FNIP2: variants seen among roughly 807,000 people sequenced by gnomAD.
FNIP2 encodes the protein folliculin-interacting protein 2.
A neutral mutation model predicts 108.7 loss-of-function variants in FNIP2; 32 were observed. The observed-to-expected ratio is 0.29, with a 90% CI of 0.22 to 0.40. FNIP2 has a LOEUF of 0.40. Among genes scored for constraint, FNIP2 ranks in the 10% least tolerant of loss-of-function variants. The probability of loss-of-function intolerance (pLI) is 1.00; values close to 1 mark genes in which losing one functional copy is unlikely to be tolerated. For missense variants in FNIP2, 1,202 were observed against 1,381.6 expected, an observed-to-expected ratio of 0.87 and a Z score of 2.06; for synonymous variants, 480 against 496.7, an observed-to-expected ratio of 0.97 and a Z score of 0.45.
intron 7 of FNIP2, among the ~76,000 whole-genome samples, chr4:158,847,927 G>A (rs1436221873): frequency 6.6e-6 from 1 of 152,202 alleles, no homozygotes; most frequent in Non-Finnish European, 1.5e-5. Flanking sequence ...GGACAGGAGA[G>A]GGAAGAGTTG....
Position 158,891,510 on chromosome 4 carries a change from G to T in FNIP2, c.3014G>T (p.Ser1005Ile). The T allele has an allele frequency of 1.9e-6, 3 of 1,610,170 alleles. No homozygotes were observed. Among genetic ancestry groups the T allele is most frequent in the Non-Finnish European group, 2.5e-6 (3 of 1,178,162 alleles). The change falls in exon 15 of 17, where the codon AGT (serine) becomes ATT (isoleucine). Residue 1005 changes from serine (S) to isoleucine (I), a missense_variant. Coordinates refer to ENST00000264433, the MANE Select transcript of FNIP2 (RefSeq NM_020840.3). Reference protein sequence around the residue: ...VCIIADTDKWSVQVATSQRKV... With the variant: ...VCIIADTDKWIVQVATSQRKV... Reference sequence around the variant, plus strand: ...ATTATCGCAGACACGGATAAATGGAGTGTGCAGGTAGCTACAAGTCAGAGG... The same window carrying T: ...ATTATCGCAGACACGGATAAATGGATTGTGCAGGTAGCTACAAGTCAGAGG...
intron 14 of FNIP2, among the ~76,000 whole-genome samples, chr4:158,873,362 GTTTTGTTTTGTTTTTGT>G (rs1175447111): frequency 6.6e-6 from 1 of 151,268 alleles, no homozygotes; most frequent in Non-Finnish European, 1.5e-5. Context: ...GGTTTTTTTT[GTTTTGTTTTGTTTTTGT>G]TTTTGTTTTT....
intron 1 of FNIP2, among the ~76,000 whole-genome samples, chr4:158,779,552 A>G (rs1168021524): frequency 6.9e-6 from 1 of 144,552 alleles, no homozygotes; most frequent in Admixed American, 7.3e-5. Context: ...TTGTGGGTAA[A>G]TATCCTTTGT....
At chr4:158,849,829 A>G (rs1779601910) in intron 7 of FNIP2, among the ~76,000 whole-genome samples, 1 of 151,918 alleles carries the variant, frequency 6.6e-6, no homozygotes, top group South Asian at 2.1e-4. Context: ...CCATACGTTC[A>G]GGAAGCATTT....
In FNIP2 at chr4:158,868,297, T is replaced by C. The variant is rs1339115402; in HGVS notation, c.1661T>C (p.Ile554Thr). The C allele has an allele frequency of 6.2e-7, 1 of 1,614,062 alleles. No individual in the cohort carries two copies. The highest frequency in any genetic ancestry group is 2.2e-5 in the East Asian group (1 of 44,884). Residue 554 changes from isoleucine (I) to threonine (T), a missense_variant, in exon 13 of 17, where the codon ATA becomes ACA. Coordinates refer to ENST00000264433, the MANE Select transcript of FNIP2 (RefSeq NM_020840.3). This position sits in a 1 kb window ranked among gnomAD's most constrained non-coding sequence, Gnocchi z 4.6. ...CAAGTTTTAAATGGGAGCAAGATCA[T>C]AACAGCCTTGGAGAAAGGAGAGGTG... ...GDQVLNGSKIITALEKGEVEE... is the reference protein window; with the variant it reads ...GDQVLNGSKITTALEKGEVEE...
intron 12 of FNIP2, among the ~76,000 whole-genome samples, chr4:158,866,535 T>G (rs953054041): frequency 1.8e-4 from 28 of 151,756 alleles, no homozygotes; most frequent in African/African-American, 6.5e-4. Context: ...TATTCTTTAA[T>G]GGGTTTCTAA....
rs1283765877 is a variant in FNIP2, at chr4:158,907,170, A to G, written c.*2626A>G. ...TTATTTTTAATAAATTGGTAAGTGA[A>G]ATGAATGTAAAGGTAATTGTGTACG... On this transcript the variant is annotated 3_prime_UTR_variant, in exon 17 of 17. Transcript: ENST00000264433. The G allele has an allele frequency of 6.6e-6, 1 of 152,264 alleles. No individual in the cohort carries two copies. The highest frequency in any genetic ancestry group is 2.4e-5 in the African/African-American group (1 of 41,468). The allele number at this position is 152,264 out of a possible 1,614,324, so 9.4% of individuals were successfully genotyped here. A position where few individuals can be genotyped will look rare whatever the true frequency, so the allele number is the denominator to read the frequency against.
At chr4:158,785,305 C>T (rs758720697) in intron 1 of FNIP2, among the ~76,000 whole-genome samples, 1 of 151,944 alleles carries the variant, frequency 6.6e-6, no homozygotes, top group Non-Finnish European at 1.5e-5. Flanking sequence ...AGGATGGTCG[C>T]GATCTCTTGA....
At chr4:158,839,357 A>ATTAT (rs149914889) in intron 7 of FNIP2, among the ~76,000 whole-genome samples, 3,486 of 151,332 alleles carry the variant, frequency 0.023, 138 homozygotes, top group African/African-American at 0.078. Context: ...CTTCATTTCT[A>ATTAT]TTATTTATTT....
intron 1 of FNIP2, among the ~76,000 whole-genome samples, chr4:158,811,566 A>AATAATG (rs1305297191): frequency 6.6e-6 from 1 of 151,998 alleles, no homozygotes; most frequent in Non-Finnish European, 1.5e-5. Context: ...TAATAATAAT[A>AATAATG]ATGATGGTAG....
chr4:158,884,139 TGTG>T (rs1343855158), intron 14 of FNIP2, among the ~76,000 whole-genome samples: 1 of 152,190 alleles, frequency 6.6e-6, no homozygotes, highest in African/African-American at 2.4e-5. Flanking sequence ...GTCATTTAAA[TGTG>T]GTACATAGAA....
intron 1 of FNIP2, among the ~76,000 whole-genome samples, chr4:158,824,906 C>T (rs534854228): frequency 6.6e-6 from 1 of 152,248 alleles, no homozygotes; most frequent in East Asian, 1.9e-4. Flanking sequence ...CACTTCAAGT[C>T]CTTAGGGACT....
chr4:158,786,828 G>A (rs1056856685), intron 1 of FNIP2, among the ~76,000 whole-genome samples: 11 of 152,238 alleles, frequency 7.2e-5, no homozygotes, highest in South Asian at 2.1e-4. Flanking sequence ...TTGTCCTTAT[G>A]AATTTTTTGT....
intron 7 of FNIP2, 181 bp downstream of exon 7, chr4:158,835,657 G>A: frequency 2.3e-6 from 1 of 437,040 alleles, no homozygotes; most frequent in Non-Finnish European, 4.2e-6. Flanking sequence ...GAGTGATTGT[G>A]CAACATAAAC....
intron 1 of FNIP2, 110 bp from the exon 2 acceptor site, chr4:158,825,806 T>C: frequency 7.6e-7 from 1 of 1,309,240 alleles, no homozygotes; most frequent in Non-Finnish European, 1.1e-6. Flanking sequence ...CCCTGCATGC[T>C]TGTGGCCTTT....
chr4:158,773,692 A>T (rs187937935), intron 1 of FNIP2, among the ~76,000 whole-genome samples: 4 of 152,268 alleles, frequency 2.6e-5, no homozygotes, highest in Non-Finnish European at 5.9e-5. Context: ...ATGAGAGTTG[A>T]GACAGTGCTG....
intron 12 of FNIP2, among the ~76,000 whole-genome samples, 169 bp downstream of exon 12, chr4:158,861,945 C>T (rs1052995503): frequency 1.3e-5 from 2 of 152,176 alleles, no homozygotes; most frequent in African/African-American, 2.4e-5. Context: ...CCACGACCTT[C>T]CTCTCTTTTT....
rs1780722190 is a variant in FNIP2, at chr4:158,868,464, C to T, written c.1828C>T (p.Leu610=). ...CCCAGAGGGCACTGACAGTAGAGAC[C>T]TGGGTCTTAAACCTGACAAAGAAGC... The part of the protein sequence containing the change: ...ECPEGTDSRD[L]GLKPDKEANR... Residue 610 remains leucine, a synonymous_variant, in exon 13 of 17, where the codon CTG becomes TTG. Coordinates refer to ENST00000264433, the MANE Select transcript of FNIP2 (RefSeq NM_020840.3). The surrounding 1 kb of genome is among the most constrained non-coding windows in gnomAD (Gnocchi z 4.6). 1 of 1,613,932 alleles carries T rather than the reference C, an allele frequency of 6.2e-7. No individual in the cohort carries two copies. The highest frequency in any genetic ancestry group is 1.1e-5 in the South Asian group (1 of 91,092).
chr4:158,779,795 G>A lies in FNIP2; in HGVS notation c.107+10476G>A, dbSNP rs75530344. 7.6e-3 allele frequency among the ~76,000 whole-genome samples: 1,140 copies of A among 149,046 alleles called. 33 individuals carry two copies. In the East Asian group the frequency reaches 0.11, roughly 15 times the overall value. On this transcript the variant is annotated intron_variant, in intron 1 of 16. Transcript: ENST00000264433. The stretch of plus-strand genomic sequence containing the variant: ...GGGTGGTCTCACTGTGTTGCCCAGC[G>A]TAGTCTTGAACTCCAGGGCTCAAGT...
Sources: gnomAD v4.1 joint callset for allele counts (sites outside exome capture counted in the v4.1 genomes callset) on GRCh38, gnomAD v4.1.1 for gene constraint, Gnocchi (gnomAD v3.1) non-coding constraint, MANE v1.5 for transcripts, NCBI Gene and HGNC (gene_info 2026-07-23, HGNC 2026-07-21) for gene names.